AKNA: variants seen among roughly 807,000 people sequenced by gnomAD.
The protein encoded by AKNA is microtubule organization protein AKNA.
Under a neutral mutation model 138.8 loss-of-function variants are expected in AKNA, and 67 were observed. The observed-to-expected ratio is 0.48, with a 90% CI of 0.40 to 0.59. AKNA has a LOEUF of 0.59. Ranked by LOEUF, AKNA falls within the 20% of genes least tolerant of loss-of-function variation. The pLI is 0.00. For synonymous variants in AKNA, 737 were observed against 754.4 expected (o/e 0.98, Z 0.38); for missense variants, 1,813 against 1,880.4 (o/e 0.96, Z 0.66).
intron 1 of AKNA, among the ~76,000 whole-genome samples, chr9:114,393,820 G>A (rs1355567599): frequency 6.6e-6 from 1 of 151,548 alleles, no homozygotes; most frequent in Non-Finnish European, 1.5e-5. Flanking sequence ...AAAGGAAGGA[G>A]ACAGGATAGG....
chr9:114,333,541 G>A (rs1588927248), downstream of AKNA, among the ~76,000 whole-genome samples: 2 of 135,252 alleles, frequency 1.5e-5, no homozygotes, highest in East Asian at 2.0e-4. Flanking sequence ...TGATCAAATC[G>A]GGGTCATTTC....
upstream of AKNA, among the ~76,000 whole-genome samples, chr9:114,396,031 A>C (rs895400497): frequency 5.3e-5 from 8 of 152,174 alleles, no homozygotes; most frequent in Non-Finnish European, 8.8e-5. Flanking sequence ...GAGGGACAAC[A>C]ATAACACCCA....
Position 114,363,716 on chromosome 9 carries a change from G to C in AKNA, c.1788+844C>G, listed in dbSNP as rs186988017. 6.5e-3 allele frequency among the ~76,000 whole-genome samples: 994 copies of C among 152,262 alleles called. 5 individuals carry two copies. Among genetic ancestry groups the C allele is most frequent in the Non-Finnish European group, 0.011 (737 of 68,026 alleles). On this transcript the variant is annotated intron_variant, in intron 7 of 21. Coordinates refer to ENST00000374088, the MANE Select transcript of AKNA (RefSeq NM_001317950.2). ...GGCTTCTGGTTGGGTCTGTCTAGTGGGAGGGACCTATGAGAGATCACAGGG... is the reference window on the plus strand; with the variant it reads ...GGCTTCTGGTTGGGTCTGTCTAGTGCGAGGGACCTATGAGAGATCACAGGG...
downstream of AKNA, chr9:114,331,915 A>G: frequency 6.2e-7 from 1 of 1,613,774 alleles, no homozygotes; most frequent in Non-Finnish European, 8.5e-7. Context: ...TGTCATGTAC[A>G]CCGACTGGAA....
Position 114,349,117 on chromosome 9 carries a change from G to A in AKNA, c.3222-1217C>T, listed in dbSNP as rs546031626. The A allele has an allele frequency of 5.8e-4, 212 of 366,658 alleles. 4 individuals are homozygous for A. Among genetic ancestry groups the A allele is most frequent in the South Asian group, 3.8e-3 (190 of 50,658 alleles). The allele number at this position is 366,658 out of a possible 1,614,324, so 22.7% of individuals were successfully genotyped here. On this transcript the variant is annotated intron_variant, in intron 15 of 21. Transcript: ENST00000374088. ...GTGTGGGCGGTGGCTACTGGAGAGTGACATCTCCCCACCCCCAGTTAACTC... is the reference window on the plus strand; with the variant it reads ...GTGTGGGCGGTGGCTACTGGAGAGTAACATCTCCCCACCCCCAGTTAACTC...
At chr9:114,381,655 G>GTTTTTTTTTTT (rs1160552279) in intron 1 of AKNA, among the ~76,000 whole-genome samples, 3 of 82,910 alleles carry the variant, frequency 3.6e-5, no homozygotes, top group South Asian at 5.1e-4. Flanking sequence ...TCTCTCCAGG[G>GTTTTTTTTTTT]TTTTTTTTTT....
downstream of AKNA, chr9:114,331,680 C>T (rs768014172): frequency 6.2e-7 from 1 of 1,610,366 alleles, no homozygotes; most frequent in Non-Finnish European, 8.5e-7. Context: ...CTATGGTAGG[C>T]ATGCTTAGCA....
At chr9:114,330,526 T>G, downstream of AKNA, 1 of 1,608,112 alleles carries the variant, frequency 6.2e-7, no homozygotes. Flanking sequence ...TCTTTTACTT[T>G]ACCCCCAACA....
chr9:114,386,868 C>A (rs1834069959), intron 1 of AKNA, among the ~76,000 whole-genome samples: 1 of 152,112 alleles, frequency 6.6e-6, no homozygotes, highest in Non-Finnish European at 1.5e-5. Flanking sequence ...CTCTCCTTTG[C>A]CAGCACAGCT....
chr9:114,345,739 C>A, intron 18 of AKNA, 124 bp downstream of exon 18: 2 of 896,204 alleles, frequency 2.2e-6, no homozygotes, highest in Non-Finnish European at 3.3e-6. Flanking sequence ...GTTTTCATAT[C>A]ACAGAACTGA....
At chr9:114,398,092 C>T (rs1024544011), upstream of AKNA, among the ~76,000 whole-genome samples, 1 of 152,152 alleles carries the variant, frequency 6.6e-6, no homozygotes, top group Non-Finnish European at 1.5e-5. This position sits in a 1 kb window ranked among gnomAD's most constrained non-coding sequence, Gnocchi z 4.2. Flanking sequence ...CCTCCCCTCC[C>T]TGCCACCAGC....
intron 4 of AKNA, among the ~76,000 whole-genome samples, chr9:114,372,182 G>C (rs771036061): frequency 2.0e-4 from 30 of 152,206 alleles, no homozygotes; most frequent in Non-Finnish European, 3.4e-4. Flanking sequence ...GAGGGGTTGG[G>C]GGAGGGAGCA....
Position 114,341,649 on chromosome 9 carries a change from C to A in AKNA, c.3951G>T (p.Ser1317=). Reference sequence around the variant, plus strand: ...ACAGTCCGGGGGGTGGGCGTGGCGACGACCCCGCCTGCTTGCTCCTCTGCT... The same window carrying A: ...ACAGTCCGGGGGGTGGGCGTGGCGAAGACCCCGCCTGCTTGCTCCTCTGCT... ...SPKQRSKQAG[S]SPRPPPGLWY... The change falls in exon 21 of 22, where the codon TCG becomes TCT. Residue 1317 remains serine, a synonymous_variant. Transcript: ENST00000374088. 6.2e-7 allele frequency: 1 copy of A among 1,608,862 alleles called. No homozygotes were observed. The highest frequency in any genetic ancestry group is 1.3e-5 in the African/African-American group (1 of 74,582).
intron 21 of AKNA, among the ~76,000 whole-genome samples, chr9:114,339,757 G>T (rs1264497428): frequency 6.6e-6 from 1 of 152,188 alleles, no homozygotes; most frequent in Admixed American, 6.5e-5. Context: ...TGGAGTGGAA[G>T]ATTCCTTAGC....
At chr9:114,391,063 C>A (rs1812518996), upstream of AKNA, among the ~76,000 whole-genome samples, 1 of 152,266 alleles carries the variant, frequency 6.6e-6, no homozygotes, top group Middle Eastern at 3.4e-3. Context: ...AGCTACTTGC[C>A]CAAGCCTGAC....
chr9:114,363,791 A>G (rs921811094), intron 7 of AKNA, among the ~76,000 whole-genome samples: 7 of 151,944 alleles, frequency 4.6e-5, no homozygotes, highest in African/African-American at 1.7e-4. Context: ...TAATGCTACT[A>G]CCCGGGGATT....
intron 14 of AKNA, 60 bp from the exon 15 acceptor site, chr9:114,351,081 A>T: frequency 6.5e-7 from 1 of 1,538,404 alleles, no homozygotes. Flanking sequence ...CCAAGCTCAC[A>T]CTTGTGCAGG....
At chr9:114,352,670 C>T (rs1831212139) in intron 14 of AKNA, among the ~76,000 whole-genome samples, 1 of 151,904 alleles carries the variant, frequency 6.6e-6, no homozygotes, top group Admixed American at 6.6e-5. Flanking sequence ...TGCCGGTAAT[C>T]CCAGCACTTT....
intron 3 of AKNA, among the ~76,000 whole-genome samples, chr9:114,375,531 A>T (rs918582521): frequency 3.1e-4 from 47 of 152,136 alleles, no homozygotes; most frequent in Non-Finnish European, 6.2e-4. Flanking sequence ...ATATTTAAGG[A>T]CCTGGTGTTA....
Sources: allele counts gnomAD v4.1 joint callset (sites outside exome capture counted in the v4.1 genomes callset), GRCh38; gene constraint gnomAD v4.1.1; non-coding constraint Gnocchi (gnomAD v3.1); transcripts MANE v1.5; gene names NCBI Gene and HGNC (gene_info 2026-07-23, HGNC 2026-07-21).